Variants in HSPBAP1 observed in about 807,000 individuals in gnomAD.
The protein encoded by HSPBAP1 is HSPB1 associated protein 1, also known as HSPB1-associated protein 1.
Under a neutral mutation model 45.2 loss-of-function variants are expected in HSPBAP1, and 27 were observed. The observed-to-expected ratio is 0.60, with a 90% confidence interval of 0.44 to 0.82. HSPBAP1 has a LOEUF of 0.82. HSPBAP1 is among the 40% of genes least tolerant of loss of function. The pLI, the probability that HSPBAP1 is intolerant of heterozygous loss-of-function variation, is 0.00. For missense variants in HSPBAP1, 510 were observed against 590.9 expected, an observed-to-expected ratio of 0.86 and a Z score of 1.42; for synonymous variants, 204 against 202.7, an observed-to-expected ratio of 1.01 and a Z score of -0.06.
chr3:122,771,158 A>C (rs1934980104), intron 2 of HSPBAP1, among the ~76,000 whole-genome samples: 1 of 152,266 alleles, frequency 6.6e-6, no homozygotes, highest in Non-Finnish European at 1.5e-5. Flanking sequence ...GAAAATTATC[A>C]TGAATGGAAT....
chr3:122,757,958 C>T (rs575680039), intron 4 of HSPBAP1, among the ~76,000 whole-genome samples: 1 of 152,302 alleles, frequency 6.6e-6, no homozygotes, highest in East Asian at 1.9e-4. Flanking sequence ...GCATCCACAG[C>T]GTGTAGCTAT....
chr3:122,741,968 G>A (rs931232193), intron 6 of HSPBAP1, among the ~76,000 whole-genome samples: 19 of 151,874 alleles, frequency 1.3e-4, no homozygotes, highest in Admixed American at 9.2e-4. Context: ...GCATTATCTC[G>A]TAAACTTGAG....
chr3:122,763,814 C>T (rs1260258185), intron 3 of HSPBAP1, among the ~76,000 whole-genome samples: 1 of 152,224 alleles, frequency 6.6e-6, no homozygotes, highest in Non-Finnish European at 1.5e-5. Flanking sequence ...TGTTCACAAA[C>T]ATTTTATAAG....
At chr3:122,783,739 CA>C (rs1420753339) in intron 1 of HSPBAP1, among the ~76,000 whole-genome samples, 4 of 151,980 alleles carry the variant, frequency 2.6e-5, no homozygotes, top group African/African-American at 9.7e-5. Flanking sequence ...GTTGGTTTAA[CA>C]AGGTTTGTTT....
chr3:122,771,506 G>T (rs1438501105), intron 2 of HSPBAP1, among the ~76,000 whole-genome samples: 1 of 152,158 alleles, frequency 6.6e-6, no homozygotes, highest in African/African-American at 2.4e-5. Flanking sequence ...TCCTAAAATA[G>T]TTTCTGCACA....
At chr3:122,740,977 C>A (rs373006360) in intron 7 of HSPBAP1, 26 bp downstream of exon 7, 7 of 1,607,884 alleles carry the variant, frequency 4.4e-6, no homozygotes, top group Admixed American at 3.3e-5. Context: ...AACTAACTGC[C>A]ATGATGAAGA....
chr3:122,750,085 C>T (rs992094596), intron 6 of HSPBAP1, among the ~76,000 whole-genome samples: 33 of 151,884 alleles, frequency 2.2e-4, no homozygotes, highest in Non-Finnish European at 3.2e-4. Flanking sequence ...AGCGATTCTC[C>T]TGCCTCAGCC....
At chr3:122,753,321 AG>A (rs1393235871) in intron 5 of HSPBAP1, 29 of 529,386 alleles carry the variant, frequency 5.5e-5, no homozygotes, top group Admixed American at 3.2e-4. Flanking sequence ...CAAGTAGGTC[AG>A]TCTTACTATC....
intron 2 of HSPBAP1, among the ~76,000 whole-genome samples, chr3:122,775,468 AT>A (rs965495724): frequency 6.6e-5 from 10 of 151,738 alleles, no homozygotes; most frequent in East Asian, 5.8e-4. Context: ...AATAGTTATA[AT>A]TTTTTTTTCT....
intron 6 of HSPBAP1, among the ~76,000 whole-genome samples, chr3:122,750,553 A>ATCTATCTATCT (rs56143835): frequency 4.9e-4 from 42 of 86,410 alleles, no homozygotes; most frequent in Non-Finnish European, 3.0e-4. Flanking sequence ...CTATCTATCT[A>ATCTATCTATCT]ATCTATCTAT....
At chr3:122,742,658 G>A (rs1027316381) in intron 6 of HSPBAP1, among the ~76,000 whole-genome samples, 3 of 152,198 alleles carry the variant, frequency 2.0e-5, no homozygotes, top group African/African-American at 4.8e-5. Flanking sequence ...CTGACTTTAT[G>A]TAAAGGAGAT....
intron 6 of HSPBAP1, among the ~76,000 whole-genome samples, chr3:122,747,063 C>T (rs1933896116): frequency 6.6e-6 from 1 of 152,172 alleles, no homozygotes; most frequent in Non-Finnish European, 1.5e-5. Flanking sequence ...GCAGCCTCTG[C>T]CCGGCCGCCA....
chr3:122,768,929 C>T, intron 2 of HSPBAP1, 47 bp from the exon 3 acceptor site: 2 of 1,156,180 alleles, frequency 1.7e-6, no homozygotes, highest in Non-Finnish European at 2.5e-6. Context: ...GAACACATTT[C>T]CTAATTATTG....
chr3:122,788,685 G>C (rs991703810), intron 1 of HSPBAP1, among the ~76,000 whole-genome samples: 1 of 152,158 alleles, frequency 6.6e-6, no homozygotes, highest in Non-Finnish European at 1.5e-5. Context: ...ACTGAAATAA[G>C]CCAGTCACAA....
intron 2 of HSPBAP1, among the ~76,000 whole-genome samples, chr3:122,775,230 C>A (rs4678213): frequency 0.45 from 68,576 of 151,786 alleles, 16,330 homozygotes; most frequent in South Asian, 0.55. Flanking sequence ...GGTAGTGGGA[C>A]CTTTGCAAGT....
At chr3:122,754,584 C>A (rs12496372) in intron 5 of HSPBAP1, 13 of 983,850 alleles carry the variant, frequency 1.3e-5, no homozygotes, top group African/African-American at 1.2e-4. Context: ...CCAGTGAGAC[C>A]GGTACAATGG....
rs1172821539 is a variant in HSPBAP1 at position 122,781,112 on chromosome 3, G to A, written c.65-3206C>T. ...AGGGGCTCCTCACATCCCAGACGAT[G>A]GGCGGCCAGGCAGAGACGCTCCTCA... On this transcript the variant is annotated intron_variant, in intron 1 of 7. Coordinates refer to ENST00000306103, the MANE Select transcript of HSPBAP1 (RefSeq NM_024610.6). Among the ~76,000 whole-genome samples, 40 of 151,176 alleles carry A rather than the reference G, an allele frequency of 2.6e-4. No individual in the cohort carries two copies. In the East Asian group the frequency reaches 7.7e-3, roughly 29 times the overall value.
intron 2 of HSPBAP1, among the ~76,000 whole-genome samples, chr3:122,775,073 C>A (rs1935142732): frequency 1.3e-5 from 2 of 150,472 alleles, no homozygotes. Flanking sequence ...ATTACGTAGC[C>A]ATTGAAAAAT....
chr3:122,747,522 T>A (rs919319657), intron 6 of HSPBAP1, among the ~76,000 whole-genome samples: 1 of 143,336 alleles, frequency 7.0e-6, no homozygotes, highest in Non-Finnish European at 1.5e-5. Flanking sequence ...AGCCGCCCCG[T>A]CTCGGAGGGA....
Sources: gnomAD v4.1 joint callset for allele counts (sites outside exome capture counted in the v4.1 genomes callset) on GRCh38, gnomAD v4.1.1 for gene constraint, MANE v1.5 for transcripts, NCBI Gene and HGNC (gene_info 2026-07-23, HGNC 2026-07-21) for gene names.